Variants in MYBBP1A observed in about 807,000 individuals in gnomAD.
The protein encoded by MYBBP1A is MYB binding protein 1a, also known as myb-binding protein 1A.
Under a neutral mutation model 136.3 loss-of-function variants are expected in MYBBP1A, and 147 were observed. The observed-to-expected ratio is 1.08, with a 90% CI of 0.94 to 1.24. The LOEUF (loss-of-function observed/expected upper bound fraction) is 1.24, where lower values mean the gene tolerates loss of function less well. Among genes scored for constraint, MYBBP1A ranks in the 50% most tolerant of loss-of-function variants. The pLI is 0.00. For missense variants in MYBBP1A, 2,060 were observed against 1,727.4 expected, an observed-to-expected ratio of 1.19 and a Z score of -3.41; for synonymous variants, 947 against 735.8, an observed-to-expected ratio of 1.29 and a Z score of -4.65.
Position 4,539,339 on chromosome 17 carries a change from T to C in MYBBP1A, c.*76A>G. 3 of 1,485,536 alleles carry C rather than the reference T, an allele frequency of 2.0e-6. No individual in the cohort carries two copies. The highest frequency in any genetic ancestry group is 1.5e-5 in the African/African-American group (1 of 66,860). The allele number at this position is 1,485,536 out of a possible 1,614,324, so 92.0% of individuals were successfully genotyped here. On this transcript the variant is annotated 3_prime_UTR_variant, in exon 26 of 26. Coordinates refer to ENST00000254718, the MANE Select transcript of MYBBP1A (RefSeq NM_014520.4). ...AGAAACAGCTTGCGTATTAAAATCA[T>C]GGTTTAAAAAAAAAAAAAAAAAATA...
At chr17:4,542,262 CTG>C (rs1022770937) in intron 22 of MYBBP1A, 200 bp downstream of exon 22, 67 of 629,026 alleles carry the variant, frequency 1.1e-4, no homozygotes, top group Non-Finnish European at 1.6e-4. Context: ...CCCTCAGCTC[CTG>C]TGTGTTCACT....
In MYBBP1A at chr17:4,540,421, G is replaced by C. The variant is rs1906300212; in HGVS notation, c.3361C>G (p.Gln1121Glu). ...VLQGQQQSLQQGAHSTGSSRL... is the reference protein window; with the variant it reads ...VLQGQQQSLQEGAHSTGSSRL... ...CTGGAGCCGGTGGAGTGTGCCCCCT[G>C]CTGTAGGCTCTGCTGTTGCCCCTGC... Residue 1121 changes from glutamine to glutamate, a missense_variant, in exon 25 of 26, where the codon CAG becomes GAG. Transcript: ENST00000254718. The C allele has an allele frequency of 1.2e-6, 2 of 1,611,056 alleles. No homozygotes were observed. The highest frequency in any genetic ancestry group is 4.5e-5 in the East Asian group (2 of 44,878).
At chr17:4,541,430 C>A in intron 24 of MYBBP1A, 33 bp downstream of exon 24, 1 of 1,594,990 alleles carries the variant, frequency 6.3e-7, no homozygotes, top group Non-Finnish European at 8.6e-7. Context: ...AAGAGGAACC[C>A]GAACACGACC....
Position 4,538,970 on chromosome 17 carries a change from C to G in MYBBP1A, c.*445G>C, listed in dbSNP as rs768370012. The G allele has an allele frequency of 4.4e-5, 35 of 790,596 alleles. No individual in the cohort carries two copies. The highest frequency in any genetic ancestry group is 8.2e-5 in the Non-Finnish European group (35 of 426,966). The allele number at this position is 790,596 out of a possible 1,614,324, so 49.0% of individuals were successfully genotyped here. ...TTTTAGAGCTGCTGATTGTGAATCT[C>G]AGAGTCTTAAGAGAGAAGCCAAATA... On this transcript the variant is annotated 3_prime_UTR_variant, in exon 26 of 26. Transcript: ENST00000254718.
chr17:4,550,571 C>T (rs928771806), intron 8 of MYBBP1A, among the ~76,000 whole-genome samples: 7 of 152,268 alleles, frequency 4.6e-5, no homozygotes, highest in African/African-American at 1.7e-4. Context: ...TGCAACAGTC[C>T]AGTCACCCCA....
chr17:4,547,380 C>T (rs558400657), intron 13 of MYBBP1A, among the ~76,000 whole-genome samples: 1 of 152,288 alleles, frequency 6.6e-6, no homozygotes, highest in South Asian at 2.1e-4. Context: ...TCGTGGCCAA[C>T]CTTTCCCCAA....
rs771640983 is a variant in MYBBP1A, at chr17:4,548,649, C to T, written c.1431G>A (p.Arg477=). The change falls in exon 11 of 26, where the codon AGG becomes AGA. Residue 477 remains arginine (R), a splice_region_variant and synonymous_variant. Coordinates refer to ENST00000254718, the MANE Select transcript of MYBBP1A (RefSeq NM_014520.4). The surrounding 1 kb of genome is among the most constrained non-coding windows in gnomAD (Gnocchi z 4.2). ...MEEALTEQVA[R]FCLFHSFFVT... ...CAAAGAACGAGTGGAACAAACAAAA[C>T]CTGGGGAGGGTGGGAGAGTGGCCAT... 5.0e-6 allele frequency: 8 copies of T among 1,613,978 alleles called. No homozygotes were observed. Among genetic ancestry groups the T allele is most frequent in the Middle Eastern group, 1.6e-4 (1 of 6,082 alleles).
Position 4,542,247 on chromosome 17 carries a change from C to A in MYBBP1A, c.3087+217G>T, listed in dbSNP as rs1287326331. On this transcript the variant is annotated intron_variant, in intron 22 of 25. Transcript: ENST00000254718. ...AGTGGCTGCGGGAGTGAGGCTGGCC[C>A]TGCCCCCTCAGCTCCTGTGTGTTCA... 3.8e-5 allele frequency: 23 copies of A among 607,058 alleles called. No individual in the cohort carries two copies. The East Asian group carries it at 6.5e-4, about 17-fold the overall frequency. 37.6% of individuals were successfully genotyped at this position (607,058 alleles called of 1,614,324 possible). A position where few individuals can be genotyped will look rare whatever the true frequency, so the allele number is the denominator to read the frequency against.
rs778598588 is a variant in MYBBP1A at position 4,554,937 on chromosome 17, G to T, written c.218C>A (p.Ala73Asp). 6.2e-7 allele frequency: 1 copy of T among 1,613,530 alleles called. No individual in the cohort carries two copies. The highest frequency in any genetic ancestry group is 8.5e-7 in the Non-Finnish European group (1 of 1,180,022). The change falls in exon 2 of 26, where the codon GCC becomes GAC. Residue 73 changes from alanine (A) to aspartate (D), a missense_variant. Transcript: ENST00000254718. ...GAGTCCCGTGATTAGACGCTTCAGG[G>T]CATATTTCATCTCGGACCCCTGCGG... ...GRPKGSEMKY[A>D]LKRLITGLGV...
chr17:4,553,792 C>A lies in MYBBP1A; in HGVS notation c.561+18G>T, dbSNP rs1778498277. The A allele has an allele frequency of 6.2e-7, 1 of 1,608,956 alleles. No individual in the cohort carries two copies. The highest frequency in any genetic ancestry group is 1.1e-5 in the South Asian group (1 of 90,950). On this transcript the variant is annotated intron_variant, in intron 5 of 25. Transcript: ENST00000254718. ...TAACAAAGTGTTGCCTGGGCCCGCA[C>A]AGCTGGGGAGCTCATACCTCGGAGA...
In MYBBP1A at chr17:4,552,308, G is replaced by A; in HGVS notation, c.738-16C>T. Reference sequence around the variant, plus strand: ...ATTCACCAGCCTGCGGAGGGCAAGGGACTCAGGGAACACTTGCCTCACAGG... The same window carrying A: ...ATTCACCAGCCTGCGGAGGGCAAGGAACTCAGGGAACACTTGCCTCACAGG... On this transcript the variant is annotated splice_polypyrimidine_tract_variant and intron_variant, in intron 6 of 25. Transcript: ENST00000254718. This position sits in a 1 kb window ranked among gnomAD's most constrained non-coding sequence, Gnocchi z 4.7. 1.2e-6 allele frequency: 2 copies of A among 1,613,590 alleles called. No homozygotes were observed. The highest frequency in any genetic ancestry group is 1.3e-5 in the African/African-American group (1 of 75,064).
chr17:4,547,692 C>T (rs1366285161), intron 13 of MYBBP1A: 1 of 415,336 alleles, frequency 2.4e-6, no homozygotes, highest in Non-Finnish European at 4.3e-6. Context: ...CTTAGTTTCT[C>T]CATGTCAAAC....
At position 4,544,654 on chromosome 17, in the gene MYBBP1A, C is replaced by CAGGAGGGCAGGTCAGCAACACGG; in HGVS notation, c.2482-31_2482-9dup. 1 of 1,545,060 alleles carries CAGGAGGGCAGGTCAGCAACACGG rather than the reference C, an allele frequency of 6.5e-7. No individual in the cohort carries two copies. The highest frequency in any genetic ancestry group is 1.7e-5 in the African/African-American group (1 of 60,008). On this transcript the variant is annotated splice_polypyrimidine_tract_variant and intron_variant, in intron 18 of 25. Transcript: ENST00000254718. Reference sequence around the variant, plus strand: ...CTCCACCAGGTCCAGCACCTGCAGCCAGGAGGGCAGGTCAGCAACACGGGG... The same window carrying CAGGAGGGCAGGTCAGCAACACGG: ...CTCCACCAGGTCCAGCACCTGCAGCCAGGAGGGCAGGTCAGCAACACGGAGGAGGGCAGGTCAGCAACACGGGG...
chr17:4,555,357 G>C lies in MYBBP1A; in HGVS notation c.-33C>G, dbSNP rs1299168576. On this transcript the variant is annotated 5_prime_UTR_variant, in exon 1 of 26. Coordinates refer to ENST00000254718, the MANE Select transcript of MYBBP1A (RefSeq NM_014520.4). ...ACACTCACCGAAACACGAAACACGT[G>C]TGCTCCGGCCCCAGCCGCTTCCAGG... The C allele has an allele frequency of 6.4e-7, 1 of 1,569,874 alleles. No homozygotes were observed.
Position 4,550,319 on chromosome 17 carries a change from T to C in MYBBP1A, c.1058A>G (p.Asp353Gly). The change falls in exon 9 of 26, where the codon GAC (aspartate) becomes GGC (glycine). Residue 353 changes from aspartate to glycine, a missense_variant. Asp to Gly is a moderately conservative substitution (Grantham distance 94). Coordinates refer to ENST00000254718, the MANE Select transcript of MYBBP1A (RefSeq NM_014520.4). ...CTCTAGGAAGGTGCCCACGTAATCG[T>C]CCATCTCTGGGGCAAACTTGAACTG... ...PKQFKFAPEMDDYVGTFLEGC... is the reference protein window; with the variant it reads ...PKQFKFAPEMGDYVGTFLEGC... The C allele has an allele frequency of 6.2e-7, 1 of 1,612,958 alleles. No individual in the cohort carries two copies. The highest frequency in any genetic ancestry group is 8.5e-7 in the Non-Finnish European group (1 of 1,179,842).
At chr17:4,547,577 G>C (rs903025766) in intron 13 of MYBBP1A, 2 of 198,202 alleles carry the variant, frequency 1.0e-5, no homozygotes, top group Non-Finnish European at 2.0e-5. Flanking sequence ...ACTGAGCCTC[G>C]AATGTGGTCA....
chr17:4,545,945 G>A lies in MYBBP1A; in HGVS notation c.1825-3C>T, dbSNP rs376412123. 117 of 1,612,554 alleles carry A rather than the reference G, an allele frequency of 7.3e-5. No homozygotes were observed. Among genetic ancestry groups the A allele is most frequent in the Non-Finnish European group, 8.1e-5 (96 of 1,179,724 alleles). On this transcript the variant is annotated splice_polypyrimidine_tract_variant and splice_region_variant and intron_variant, in intron 13 of 25. Coordinates refer to ENST00000254718, the MANE Select transcript of MYBBP1A (RefSeq NM_014520.4). ...AGGTCACAGCTCTCTGCAGGGGACT[G>A]CGGGCAGGGTAGGACACACACTGGG...
chr17:4,548,144 G>C lies in MYBBP1A; in HGVS notation c.1723C>G (p.Arg575Gly). 6.2e-7 allele frequency: 1 copy of C among 1,604,800 alleles called. No homozygotes were observed. Among genetic ancestry groups the C allele is most frequent in the Non-Finnish European group, 8.5e-7 (1 of 1,179,926 alleles). Residue 575 changes from arginine to glycine, a missense_variant and splice_region_variant, in exon 12 of 26, where the codon CGG becomes GGG. By Grantham distance (125) the Arg-to-Gly change is moderately radical. Transcript: ENST00000254718. The surrounding 1 kb of genome is among the most constrained non-coding windows in gnomAD (Gnocchi z 4.2). ...FTAQQRQAWD[R>G]MLQTLKELEA... ...CCCCTGGAAATCCCACGTGCTCACC[G>C]GTCCCAGGCCTGGCGCTGCTGCGCA...
chr17:4,544,776 G>C lies in MYBBP1A; in HGVS notation c.2456C>G (p.Ala819Gly). The C allele has an allele frequency of 6.3e-7, 1 of 1,590,912 alleles. No individual in the cohort carries two copies. Among genetic ancestry groups the C allele is most frequent in the South Asian group, 1.1e-5 (1 of 87,998 alleles). Residue 819 changes from alanine to glycine, a missense_variant, in exon 18 of 26, where the codon GCT (alanine) becomes GGT (glycine). By Grantham distance (60) the Ala-to-Gly change is moderately conservative. Transcript: ENST00000254718. ...DEKNKLQKEK[A>G]LRRDFQIRVL... ...CCGGATCTGGAAGTCGCGCCGCAGA[G>C]CCTTCTCCTTCTGCAGCTTGTTCTT...
Sources: allele counts gnomAD v4.1 joint callset (sites outside exome capture counted in the v4.1 genomes callset), GRCh38; gene constraint gnomAD v4.1.1; non-coding constraint Gnocchi (gnomAD v3.1); transcripts MANE v1.5; gene names NCBI Gene and HGNC (gene_info 2026-07-23, HGNC 2026-07-21).